The following TMEM150C variants were observed in gnomAD, a reference collection of about 807,000 sequenced individuals.
The protein encoded by TMEM150C is transmembrane protein 150C.
Under a neutral mutation model 29.9 loss-of-function variants are expected in TMEM150C, and 10 were observed. That is an observed-to-expected ratio of 0.33 (90% CI 0.21 to 0.57). TMEM150C has a LOEUF of 0.57. Among genes scored for constraint, TMEM150C ranks in the 20% least tolerant of loss-of-function variants. The pLI is 0.88. For synonymous variants in TMEM150C, 101 were observed against 112.5 expected (o/e 0.90, Z 0.64); for missense variants, 251 against 303.6 (o/e 0.83, Z 1.29).
chr4:82,550,769 G>A (rs1038498274), intron 1 of TMEM150C, among the ~76,000 whole-genome samples: 5 of 151,274 alleles, frequency 3.3e-5, no homozygotes, highest in East Asian at 3.9e-4. Context: ...CAGCCTGGGC[G>A]ACAGAGCGAG....
intron 1 of TMEM150C, among the ~76,000 whole-genome samples, chr4:82,507,162 T>C (rs1247991708): frequency 2.0e-5 from 3 of 152,150 alleles, no homozygotes; most frequent in African/African-American, 7.2e-5. Flanking sequence ...TTTTATACCT[T>C]TGCAAAAACA....
intron 1 of TMEM150C, among the ~76,000 whole-genome samples, chr4:82,537,045 G>C (rs540678120): frequency 1.3e-5 from 2 of 152,056 alleles, no homozygotes; most frequent in African/African-American, 2.4e-5. Flanking sequence ...GCAGTGGCTC[G>C]ATCTAGGCTC....
At chr4:82,499,248 C>T (rs190803483) in intron 5 of TMEM150C, among the ~76,000 whole-genome samples, 73 of 152,290 alleles carry the variant, frequency 4.8e-4, no homozygotes, top group African/African-American at 1.7e-3. Context: ...TATATGCTAA[C>T]TTTTACCACA....
At chr4:82,541,815 A>G (rs1203461760) in intron 1 of TMEM150C, among the ~76,000 whole-genome samples, 1 of 152,204 alleles carries the variant, frequency 6.6e-6, no homozygotes, top group Non-Finnish European at 1.5e-5. Context: ...GTATTCTAAA[A>G]AGTCAAGAAA....
At chr4:82,513,249 A>C (rs114931330) in intron 1 of TMEM150C, among the ~76,000 whole-genome samples, 1,756 of 152,292 alleles carry the variant, frequency 0.012, 38 homozygotes, top group African/African-American at 0.04. Context: ...AGGAACAAAC[A>C]GCAATCTTTG....
chr4:82,561,603 C>T (rs1725932736), intron 1 of TMEM150C, among the ~76,000 whole-genome samples: 1 of 149,102 alleles, frequency 6.7e-6, no homozygotes, highest in Non-Finnish European at 1.5e-5. Flanking sequence ...GGCACTGCGG[C>T]GGCGGGGACC....
chr4:82,558,575 A>G (rs1038469481), intron 1 of TMEM150C, among the ~76,000 whole-genome samples: 2 of 152,154 alleles, frequency 1.3e-5, no homozygotes, highest in African/African-American at 4.8e-5. Context: ...TTGCATGATG[A>G]TTGATTTTCC....
chr4:82,488,199 C>T (rs1035188680), intron 7 of TMEM150C, among the ~76,000 whole-genome samples: 6 of 152,180 alleles, frequency 3.9e-5, no homozygotes, highest in African/African-American at 1.4e-4. Context: ...TTTGGTTTTT[C>T]ATTCCTGAGT....
At chr4:82,524,794 CATA>C (rs1724601097) in intron 1 of TMEM150C, among the ~76,000 whole-genome samples, 1 of 152,190 alleles carries the variant, frequency 6.6e-6, no homozygotes, top group Non-Finnish European at 1.5e-5. Context: ...GTAAGGCAAA[CATA>C]ATCCCACCTG....
chr4:82,503,217 A>G (rs911817400), intron 2 of TMEM150C, 105 bp from the exon 3 acceptor site: 2 of 799,592 alleles, frequency 2.5e-6, no homozygotes, highest in Non-Finnish European at 4.0e-6. Context: ...CATTTTTTCT[A>G]ACTGAGAAAT....
Position 82,506,950 on chromosome 4 carries a change from C to T in TMEM150C, c.-10-2283G>A, listed in dbSNP as rs1038012016. Among the ~76,000 whole-genome samples, 3 of 152,136 alleles carry T rather than the reference C, an allele frequency of 2.0e-5. No homozygotes were observed. In the South Asian group the frequency reaches 6.2e-4, roughly 32 times the overall value. On this transcript the variant is annotated intron_variant, in intron 1 of 7. Coordinates refer to ENST00000449862, the MANE Select transcript of TMEM150C (RefSeq NM_001080506.3). ...GATGCTTAGGAGATCTGGTTCCCAA[C>T]CTCGGCTTTCCCAATAACTGACTAA... is the stretch of plus-strand genomic sequence containing the variant.
chr4:82,561,884 G>C (rs552310490), intron 1 of TMEM150C, 22 bp downstream of exon 1: 1 of 991,666 alleles, frequency 1.0e-6, no homozygotes, highest in Admixed American at 6.2e-5. Flanking sequence ...GGCCCAGGCA[G>C]GGGAGGGGGC....
Position 82,485,478 on chromosome 4 carries a change from C to A in TMEM150C, c.*33G>T. The A allele has an allele frequency of 6.5e-7, 1 of 1,550,222 alleles. No individual in the cohort carries two copies. Among genetic ancestry groups the A allele is most frequent in the Non-Finnish European group, 8.8e-7 (1 of 1,141,352 alleles). On this transcript the variant is annotated 3_prime_UTR_variant, in exon 8 of 8. Coordinates refer to ENST00000449862, the MANE Select transcript of TMEM150C (RefSeq NM_001080506.3). ...CCTACTGGCCCCTCCCCCACTGTCA[C>A]ACCCACCTCACCAGCAAGGAAAAAC... is the stretch of plus-strand genomic sequence containing the variant.
rs1262472586 is a variant in TMEM150C, at chr4:82,485,524, G to A, written c.737C>T (p.Thr246Ile). 6.2e-7 allele frequency: 1 copy of A among 1,600,346 alleles called. No homozygotes were observed. ...AAAACTGATGGTTTACACCTGGTCA[G>A]TCTGATATTCAGAAGCTTCTGACAG... ...ESLSEASEYQ[T>I]DQV is the part of the protein sequence containing the mutation. The change falls in exon 8 of 8, where the codon ACT becomes ATT. Residue 246 changes from threonine (T) to isoleucine (I), a missense_variant. Transcript: ENST00000449862.
At chr4:82,512,355 A>G (rs1578133919) in intron 1 of TMEM150C, among the ~76,000 whole-genome samples, 1 of 152,350 alleles carries the variant, frequency 6.6e-6, no homozygotes, top group East Asian at 1.9e-4. Context: ...ACACTACCAA[A>G]TGCTCAATAT....
rs372604517 is a variant in TMEM150C, at chr4:82,531,386, GT to G, written c.-10-26720del. Among the ~76,000 whole-genome samples the G allele has an allele frequency of 1.4e-4, 21 of 152,248 alleles. No individual in the cohort carries two copies. The East Asian group carries it at 3.5e-3, about 25-fold the overall frequency. Reference sequence around the variant, plus strand: ...TGTTGCAATAACCCAGGTGGACTATGTAGAATGGGAAGAAAGGATGGAGCCA... The same window carrying G: ...TGTTGCAATAACCCAGGTGGACTATGAGAATGGGAAGAAAGGATGGAGCCA... On this transcript the variant is annotated intron_variant, in intron 1 of 7. Transcript: ENST00000449862.
At chr4:82,548,451 G>T (rs80146017) in intron 1 of TMEM150C, among the ~76,000 whole-genome samples, 1,613 of 152,008 alleles carry the variant, frequency 0.011, 27 homozygotes, top group African/African-American at 0.036. Context: ...CATTGTTCGT[G>T]CAAGGGGCAG....
intron 1 of TMEM150C, among the ~76,000 whole-genome samples, chr4:82,523,531 G>C (rs116405167): frequency 0.03 from 4,565 of 152,188 alleles, 220 homozygotes; most frequent in African/African-American, 0.1. Context: ...ATTTTGGGTG[G>C]ACCCAGTTTC....
chr4:82,519,314 T>TA (rs1481280769), intron 1 of TMEM150C, among the ~76,000 whole-genome samples: 1 of 152,186 alleles, frequency 6.6e-6, no homozygotes, highest in Non-Finnish European at 1.5e-5. Context: ...AGTACCCCCT[T>TA]ATCCACAAAG....
Sources: allele counts gnomAD v4.1 joint callset (sites outside exome capture counted in the v4.1 genomes callset), GRCh38; gene constraint gnomAD v4.1.1; transcripts MANE v1.5; gene names NCBI Gene and HGNC (gene_info 2026-07-23, HGNC 2026-07-21).